Variants in CACNA2D3 observed in about 807,000 individuals in gnomAD.
CACNA2D3 encodes the protein calcium voltage-gated channel auxiliary subunit alpha2delta 3, also known as voltage-dependent calcium channel subunit alpha-2/delta-3.
A neutral mutation model predicts 160.6 loss-of-function variants in CACNA2D3; 60 were observed. The observed-to-expected ratio is 0.37, with a 90% CI of 0.30 to 0.46. The LOEUF (loss-of-function observed/expected upper bound fraction) is 0.46. CACNA2D3 is among the 20% of genes least tolerant of loss of function. The probability of loss-of-function intolerance (pLI) is 1.00; values close to 1 mark genes in which losing one functional copy is unlikely to be tolerated. For missense variants in CACNA2D3, 1,205 were observed against 1,365.0 expected, an observed-to-expected ratio of 0.88 and a Z score of 1.85; for synonymous variants, 558 against 492.9, an observed-to-expected ratio of 1.13 and a Z score of -1.75.
At chr3:54,709,100 C>A (rs769340450) in intron 11 of CACNA2D3, among the ~76,000 whole-genome samples, 3 of 151,402 alleles carry the variant, frequency 2.0e-5, no homozygotes, top group Non-Finnish European at 4.4e-5. Flanking sequence ...ACCTCCACTT[C>A]CTGGGTTCAA....
intron 14 of CACNA2D3, among the ~76,000 whole-genome samples, chr3:54,831,499 T>C (rs559315971): frequency 1.3e-5 from 2 of 152,310 alleles, no homozygotes; most frequent in South Asian, 4.1e-4. Flanking sequence ...CCACAGCTGC[T>C]CCCCACCATG....
intron 2 of CACNA2D3, among the ~76,000 whole-genome samples, chr3:54,224,518 C>G (rs1701634618): frequency 6.6e-6 from 1 of 152,164 alleles, no homozygotes. Context: ...TGGGACATCA[C>G]TAAGTGATAG....
rs572024002 is a variant in CACNA2D3, at chr3:54,385,955, A to G, written c.322-760A>G. The G allele has an allele frequency of 1.2e-5, 6 of 507,364 alleles. 1 individual carries two copies. Among genetic ancestry groups the G allele is most frequent in the South Asian group, 7.3e-5 (5 of 68,752 alleles). 31.4% of individuals were successfully genotyped at this position (507,364 alleles called of 1,614,324 possible). A position where few individuals can be genotyped will look rare whatever the true frequency, so the allele number is the denominator to read the frequency against. ...TTTTCTGTAATATCCTCTAGCCTAT[A>G]TTTTCAAGGTGGGAAATATCTTATT... On this transcript the variant is annotated intron_variant, in intron 3 of 37. Coordinates refer to ENST00000474759, the MANE Select transcript of CACNA2D3 (RefSeq NM_018398.3).
At position 54,736,074 on chromosome 3, in the gene CACNA2D3, CAT is replaced by C. The variant is rs1220937402; in HGVS notation, c.1168-16518_1168-16517del. ...ATACATATGTATGTATATATATATA[CAT>C]ATATATGTATGTGTATATATATACA... is the stretch of plus-strand genomic sequence containing the variant. On this transcript the variant is annotated intron_variant, in intron 11 of 37. Coordinates refer to ENST00000474759, the MANE Select transcript of CACNA2D3 (RefSeq NM_018398.3). Among the ~76,000 whole-genome samples, 14 of 29,534 alleles carry C rather than the reference CAT, an allele frequency of 4.7e-4. 2 individuals are homozygous for C. The highest frequency in any genetic ancestry group is 1.7e-3 in the East Asian group (3 of 1,770). The allele number at this position is 29,534 out of a possible 152,430, so 19.4% of individuals were successfully genotyped here. A position where few individuals can be genotyped will look rare whatever the true frequency, so the allele number is the denominator to read the frequency against.
At chr3:54,173,791 A>G (rs767556362) in intron 2 of CACNA2D3, among the ~76,000 whole-genome samples, 2 of 152,246 alleles carry the variant, frequency 1.3e-5, no homozygotes, top group Non-Finnish European at 2.9e-5. Context: ...CTGACTTTAC[A>G]AAAGAAAGTC....
chr3:54,335,645 G>C (rs1032775002), intron 3 of CACNA2D3, among the ~76,000 whole-genome samples: 1 of 152,114 alleles, frequency 6.6e-6, no homozygotes, highest in East Asian at 1.9e-4. Flanking sequence ...CTGTGACTTA[G>C]AATGCCTGAC....
chr3:54,266,010 T>G (rs1480452393), intron 2 of CACNA2D3, among the ~76,000 whole-genome samples: 1 of 152,200 alleles, frequency 6.6e-6, no homozygotes, highest in East Asian at 1.9e-4. Flanking sequence ...ATTTGATGGA[T>G]GAAGGACACA....
intron 4 of CACNA2D3, among the ~76,000 whole-genome samples, chr3:54,410,287 G>A (rs1699644873): frequency 6.6e-6 from 1 of 152,126 alleles, no homozygotes; most frequent in Admixed American, 6.5e-5. Context: ...CCGGGAGGTG[G>A]AGGATGCAGT....
intron 27 of CACNA2D3, among the ~76,000 whole-genome samples, chr3:54,916,385 G>A (rs1700659273): frequency 6.6e-6 from 1 of 152,206 alleles, no homozygotes; most frequent in Non-Finnish European, 1.5e-5. Context: ...ATTGAGCCAT[G>A]TCCACTGAGT....
chr3:54,451,600 A>T (rs1162658638), intron 4 of CACNA2D3, among the ~76,000 whole-genome samples: 1 of 152,118 alleles, frequency 6.6e-6, no homozygotes, highest in Non-Finnish European at 1.5e-5. Flanking sequence ...GTGTACAGTT[A>T]CGCTCTTGGT....
At chr3:54,632,565 G>A (rs1575394958) in intron 10 of CACNA2D3, 1 of 152,244 alleles carries the variant, frequency 6.6e-6, no homozygotes, top group East Asian at 1.9e-4. Context: ...AGTCTTAGCA[G>A]CTTCCCAGAG....
rs139916430 is a variant in CACNA2D3, at chr3:54,154,798, C to T, written c.204+31204C>T. On this transcript the variant is annotated intron_variant, in intron 2 of 37. Coordinates refer to ENST00000474759, the MANE Select transcript of CACNA2D3 (RefSeq NM_018398.3). ...TTGTTGCAGATGTACGATTCTGTTC[C>T]GTCAAACAAAAAAAAACCTGCCAGC... 4.9e-4 allele frequency among the ~76,000 whole-genome samples: 75 copies of T among 152,032 alleles called. 1 individual carries two copies. Among genetic ancestry groups the T allele is most frequent in the Middle Eastern group, 6.8e-3 (2 of 294 alleles).
chr3:54,150,360 A>G (rs1002914044), intron 2 of CACNA2D3, among the ~76,000 whole-genome samples: 1 of 152,184 alleles, frequency 6.6e-6, no homozygotes, highest in African/African-American at 2.4e-5. Flanking sequence ...GAAAGGCACA[A>G]TGGAATCTTT....
chr3:54,706,495 A>G (rs1250454757), intron 11 of CACNA2D3, among the ~76,000 whole-genome samples: 1 of 152,200 alleles, frequency 6.6e-6, no homozygotes, highest in Non-Finnish European at 1.5e-5. Flanking sequence ...AATGATTAAC[A>G]TCTGTCTTTA....
intron 3 of CACNA2D3, among the ~76,000 whole-genome samples, chr3:54,322,537 A>G (rs1704027145): frequency 6.6e-6 from 1 of 152,238 alleles, no homozygotes; most frequent in Non-Finnish European, 1.5e-5. Flanking sequence ...TCACGTGGGC[A>G]GGGCTCAGCA....
intron 2 of CACNA2D3, among the ~76,000 whole-genome samples, chr3:54,163,657 C>G (rs1477788432): frequency 2.6e-5 from 4 of 152,096 alleles, no homozygotes; most frequent in Non-Finnish European, 5.9e-5. Context: ...AACTGCGAGC[C>G]ATTGGAGGCT....
chr3:55,028,123 A>G (rs1003962148), intron 35 of CACNA2D3, among the ~76,000 whole-genome samples: 2 of 152,208 alleles, frequency 1.3e-5, no homozygotes, highest in Admixed American at 1.3e-4. Context: ...TCCTGTTTCC[A>G]GAATCATTAG....
chr3:54,456,729 C>T (rs62254180), intron 4 of CACNA2D3, among the ~76,000 whole-genome samples: 290 of 151,982 alleles, frequency 1.9e-3, no homozygotes, highest in Non-Finnish European at 3.2e-3. Context: ...CACTCGGTCC[C>T]GGGCTTTTCT....
intron 2 of CACNA2D3, among the ~76,000 whole-genome samples, chr3:54,126,757 G>A (rs1456446448): frequency 2.6e-5 from 4 of 152,148 alleles, no homozygotes; most frequent in East Asian, 1.9e-4. Flanking sequence ...GTGCTGGTGC[G>A]CCGCTGTATG....
Sources: allele counts gnomAD v4.1 joint callset (sites outside exome capture counted in the v4.1 genomes callset), GRCh38; gene constraint gnomAD v4.1.1; transcripts MANE v1.5; gene names NCBI Gene and HGNC (gene_info 2026-07-23, HGNC 2026-07-21).